Variants in SLC24A2 observed in about 807,000 individuals in gnomAD.
The protein encoded by SLC24A2 is sodium/potassium/calcium exchanger 2.
A neutral mutation model predicts 62.0 loss-of-function variants in SLC24A2; 36 were observed. The ratio of observed to expected loss-of-function variants is 0.58; its 90% confidence interval spans 0.44 to 0.77. SLC24A2 has a LOEUF of 0.77. SLC24A2 is among the 30% of genes least tolerant of loss of function. The pLI is 0.00. For missense variants in SLC24A2, 846 were observed against 817.9 expected, an observed-to-expected ratio of 1.03 and a Z score of -0.42; for synonymous variants, 358 against 294.0, an observed-to-expected ratio of 1.22 and a Z score of -2.23.
At chr9:20,162,830 G>C in the SLC24A2 span, among the ~76,000 whole-genome samples, 1 of 151,934 alleles carries the variant, frequency 6.6e-6, no homozygotes, top group Non-Finnish European at 1.5e-5. Flanking sequence ...TTCAATATAC[G>C]CAAAACAATA....
chr9:19,734,244 T>C (rs936991948), intron 2 of SLC24A2, among the ~76,000 whole-genome samples: 2 of 152,188 alleles, frequency 1.3e-5, no homozygotes, highest in African/African-American at 4.8e-5. Flanking sequence ...CATTGGTCTA[T>C]ATCTCTGTTT....
the SLC24A2 span, among the ~76,000 whole-genome samples, chr9:19,913,871 CT>C: frequency 1.4e-4 from 21 of 151,764 alleles, no homozygotes; most frequent in African/African-American, 4.4e-4. Context: ...ATACTTAATT[CT>C]TTTTTTTCTT....
the SLC24A2 span, among the ~76,000 whole-genome samples, chr9:20,266,399 C>A: frequency 6.6e-6 from 1 of 152,114 alleles, no homozygotes; most frequent in Non-Finnish European, 1.5e-5. Context: ...GGGCAGGTTC[C>A]CCAATACCCA....
Position 19,576,250 on chromosome 9 carries a change from T to C in SLC24A2, c.1228+674A>G, listed in dbSNP as rs118074944. On this transcript the variant is annotated intron_variant, in intron 6 of 10. Coordinates refer to ENST00000341998, the MANE Select transcript of SLC24A2 (RefSeq NM_020344.4). ...TAGATCCAGATCAGGTTAAATTTAGTTTGAATTTAGAATAAGAGAGCTATA... is the reference window on the plus strand; with the variant it reads ...TAGATCCAGATCAGGTTAAATTTAGCTTGAATTTAGAATAAGAGAGCTATA... Among the ~76,000 whole-genome samples, 85 of 152,312 alleles carry C rather than the reference T, an allele frequency of 5.6e-4. No homozygotes were observed. In the East Asian group the frequency reaches 0.01, roughly 19 times the overall value.
At chr9:19,747,842 T>C (rs1821878913) in intron 2 of SLC24A2, among the ~76,000 whole-genome samples, 1 of 152,180 alleles carries the variant, frequency 6.6e-6, no homozygotes, top group African/African-American at 2.4e-5. Context: ...TCTGGGTCAA[T>C]CCATTTCACC....
the SLC24A2 span, among the ~76,000 whole-genome samples, chr9:19,867,476 C>G: frequency 1.3e-5 from 2 of 152,092 alleles, no homozygotes; most frequent in African/African-American, 2.4e-5. Flanking sequence ...ATACAATTGT[C>G]GTAATATTCC....
the SLC24A2 span, among the ~76,000 whole-genome samples, chr9:20,106,240 T>C: frequency 6.6e-6 from 1 of 152,150 alleles, no homozygotes; most frequent in Non-Finnish European, 1.5e-5. Flanking sequence ...CAGGAACAGA[T>C]GGATTCACAG....
chr9:20,138,324 T>C, the SLC24A2 span, among the ~76,000 whole-genome samples: 2 of 152,246 alleles, frequency 1.3e-5, no homozygotes, highest in East Asian at 1.9e-4. Context: ...TTAATCCATA[T>C]GTTGCTCATT....
At chr9:20,127,601 G>A in the SLC24A2 span, among the ~76,000 whole-genome samples, 1 of 151,966 alleles carries the variant, frequency 6.6e-6, no homozygotes, top group Non-Finnish European at 1.5e-5. Flanking sequence ...CATTTAATGT[G>A]CAGGTATATT....
At chr9:20,161,935 G>A in the SLC24A2 span, among the ~76,000 whole-genome samples, 6 of 151,624 alleles carry the variant, frequency 4.0e-5, no homozygotes, top group East Asian at 1.9e-4. Context: ...TAGCTAATGC[G>A]ATTACATACA....
chr9:19,609,919 C>G (rs1837100423), intron 4 of SLC24A2, among the ~76,000 whole-genome samples: 1 of 152,294 alleles, frequency 6.6e-6, no homozygotes, highest in East Asian at 1.9e-4. Context: ...CCTTTGAGAA[C>G]TGAATGCCTC....
At chr9:19,798,904 T>C in the SLC24A2 span, among the ~76,000 whole-genome samples, 2 of 152,208 alleles carry the variant, frequency 1.3e-5, no homozygotes, top group African/African-American at 4.8e-5. Context: ...TTTCTGTTTC[T>C]AGTTGTATCA....
At chr9:19,772,732 T>C (rs143660011) in intron 2 of SLC24A2, among the ~76,000 whole-genome samples, 18 of 152,230 alleles carry the variant, frequency 1.2e-4, no homozygotes, top group Non-Finnish European at 2.4e-4. Flanking sequence ...AAATCGGAAC[T>C]CTCATACACA....
chr9:20,081,611 C>T, the SLC24A2 span, among the ~76,000 whole-genome samples: 1 of 151,826 alleles, frequency 6.6e-6, no homozygotes, highest in Non-Finnish European at 1.5e-5. Context: ...CACGTGTACC[C>T]TAAAATTTAA....
At chr9:20,179,973 C>T in the SLC24A2 span, among the ~76,000 whole-genome samples, 5 of 152,200 alleles carry the variant, frequency 3.3e-5, no homozygotes, top group African/African-American at 1.2e-4. Flanking sequence ...TTGGTTCAAC[C>T]AGTAACCAAC....
chr9:19,817,655 T>C, the SLC24A2 span, among the ~76,000 whole-genome samples: 3 of 152,242 alleles, frequency 2.0e-5, no homozygotes, highest in South Asian at 4.1e-4. Context: ...TTATAAAATA[T>C]AGAGTTTGAT....
At chr9:19,784,208 C>A (rs1823094452) in intron 2 of SLC24A2, among the ~76,000 whole-genome samples, 1 of 152,056 alleles carries the variant, frequency 6.6e-6, no homozygotes, top group Non-Finnish European at 1.5e-5. Context: ...GTCTATAAAC[C>A]TATATTTGGA....
At chr9:20,240,497 G>C in the SLC24A2 span, among the ~76,000 whole-genome samples, 1 of 152,178 alleles carries the variant, frequency 6.6e-6, no homozygotes, top group African/African-American at 2.4e-5. Context: ...TGTTTCCCTT[G>C]TTAAAAGTCA....
At chr9:20,299,703 G>C in the SLC24A2 span, among the ~76,000 whole-genome samples, 1 of 152,122 alleles carries the variant, frequency 6.6e-6, no homozygotes, top group Non-Finnish European at 1.5e-5. Context: ...GGTTTAACTT[G>C]CCTTCCCTGG....
Sources: allele counts gnomAD v4.1 joint callset (sites outside exome capture counted in the v4.1 genomes callset), GRCh38; gene constraint gnomAD v4.1.1; transcripts MANE v1.5; gene names NCBI Gene and HGNC (gene_info 2026-07-23, HGNC 2026-07-21).